INO80: variants seen among roughly 807,000 people sequenced by gnomAD.
INO80 encodes chromatin-remodeling ATPase INO80.
Under a neutral mutation model 203.4 loss-of-function variants are expected in INO80, and 20 were observed. The ratio of observed to expected loss-of-function variants is 0.10; its 90% CI spans 0.07 to 0.14. INO80 has a LOEUF of 0.14. Ranked by LOEUF, INO80 falls within the 10% of genes least tolerant of loss-of-function variation. The pLI is 1.00. For synonymous variants in INO80, 726 were observed against 685.2 expected (o/e 1.06, Z -0.93); for missense variants, 1,419 against 1,914.4 (o/e 0.74, Z 4.83).
At chr15:41,093,190 G>A (rs888555977) in intron 4 of INO80, among the ~76,000 whole-genome samples, 5 of 152,140 alleles carry the variant, frequency 3.3e-5, no homozygotes, top group Non-Finnish European at 4.4e-5. Context: ...ACTTCGGGAG[G>A]CTGAGGCGGG....
rs1270801774 is a variant in INO80 at position 41,006,626 on chromosome 15, T to A, written c.3403-939A>T. 5.3e-5 allele frequency among the ~76,000 whole-genome samples: 8 copies of A among 152,356 alleles called. No individual in the cohort carries two copies. In the South Asian group the frequency reaches 1.4e-3, roughly 28 times the overall value. ...TGGTGGGGCATTTTAGCACATCAGG[T>A]TGCTGTAGTTTGGAATATCTGGTGC... On this transcript the variant is annotated intron_variant, in intron 27 of 35. Transcript: ENST00000648947.
chr15:41,031,968 C>CACAGCACAGCACAGG (rs1566919537), intron 24 of INO80, among the ~76,000 whole-genome samples: 93 of 69,688 alleles, frequency 1.3e-3, no homozygotes, highest in Admixed American at 1.8e-3. Context: ...CACAGGACAG[C>CACAGCACAGCACAGG]ACAGCACAGC....
chr15:41,060,761 T>A (rs2045090159), intron 14 of INO80, among the ~76,000 whole-genome samples: 1 of 152,072 alleles, frequency 6.6e-6, no homozygotes, highest in African/African-American at 2.4e-5. Flanking sequence ...GAATTCCAGA[T>A]TAAAAAGGCT....
chr15:41,036,155 C>CG lies in INO80; in HGVS notation c.2908-8420dup, dbSNP rs141565312. Among the ~76,000 whole-genome samples the CG allele has an allele frequency of 9.4e-3, 125 of 13,258 alleles. 1 individual carries two copies. Among genetic ancestry groups the CG allele is most frequent in the South Asian group, 0.014 (3 of 210 alleles). The allele number at this position is 13,258 out of a possible 152,430, so 8.7% of individuals were successfully genotyped here. A position where few individuals can be genotyped will look rare whatever the true frequency, so the allele number is the denominator to read the frequency against. ...TGGGCAACAGAGTGCAACTCTCTCT[C>CG]GAAAAAAAAAAAAAAAAAAAAAAAA... On this transcript the variant is annotated intron_variant, in intron 24 of 35. Coordinates refer to ENST00000648947, the MANE Select transcript of INO80 (RefSeq NM_017553.3).
In INO80 at chr15:41,055,395, T is replaced by G. The variant is rs200013836; in HGVS notation, c.2071-31A>C. 273 of 1,420,064 alleles carry G rather than the reference T, an allele frequency of 1.9e-4. 1 individual carries two copies. The highest frequency in any genetic ancestry group is 1.1e-3 in the Admixed American group (65 of 58,354). 88.0% of individuals were successfully genotyped at this position (1,420,064 alleles called of 1,614,324 possible). A position where few individuals can be genotyped will look rare whatever the true frequency, so the allele number is the denominator to read the frequency against. On this transcript the variant is annotated intron_variant, in intron 17 of 35. Transcript: ENST00000648947. ...AACAAAGACAAAAATGAAATAGCTA[T>G]AGAGCAATAAAATGACAGCGTGTAA... is the stretch of plus-strand genomic sequence containing the variant.
chr15:40,986,266 C>A (rs1490920698), intron 31 of INO80, among the ~76,000 whole-genome samples: 1 of 151,858 alleles, frequency 6.6e-6, no homozygotes, highest in Admixed American at 6.6e-5. Context: ...TTATTTGAAG[C>A]CACATTTACC....
intron 9 of INO80, 90 bp downstream of exon 9, chr15:41,079,611 T>C: frequency 8.7e-7 from 1 of 1,148,650 alleles, no homozygotes; most frequent in Non-Finnish European, 1.3e-6. Flanking sequence ...ACAGTGTCAT[T>C]GGTTAGATGT....
chr15:41,107,274 GCCAGGAGTTCAAGA>G lies in INO80; in HGVS notation c.-44+8685_-44+8698del, dbSNP rs534714675. Among the ~76,000 whole-genome samples, 407 of 152,276 alleles carry G rather than the reference GCCAGGAGTTCAAGA, an allele frequency of 2.7e-3. 3 individuals carry two copies. The highest frequency in any genetic ancestry group is 0.013 in the South Asian group (61 of 4,830). Reference sequence around the variant, plus strand: ...AGGCCAAGGCAGGCGATCATTTGAGGCCAGGAGTTCAAGACCAGGAGTTCGAGACCAGCCTGGTC... The same window carrying G: ...AGGCCAAGGCAGGCGATCATTTGAGGCCAGGAGTTCGAGACCAGCCTGGTC... On this transcript the variant is annotated intron_variant, in intron 1 of 35. Transcript: ENST00000648947.
chr15:41,046,485 C>T (rs2044769436), intron 23 of INO80, among the ~76,000 whole-genome samples: 2 of 151,620 alleles, frequency 1.3e-5, no homozygotes, highest in Non-Finnish European at 2.9e-5. Context: ...CCTCGGCCTC[C>T]CAAAGTGCTG....
At chr15:41,044,860 A>G (rs761445049) in intron 24 of INO80, 44 bp downstream of exon 24, 1 of 1,531,002 alleles carries the variant, frequency 6.5e-7, no homozygotes, top group Admixed American at 2.3e-5. Context: ...AGGAAAAGGA[A>G]AGAAGATACT....
chr15:41,025,974 GA>G (rs1456052128), intron 25 of INO80, among the ~76,000 whole-genome samples: 2 of 152,136 alleles, frequency 1.3e-5, no homozygotes, highest in East Asian at 3.8e-4. Context: ...CTGAGACCAA[GA>G]ATACTTTGGA....
intron 29 of INO80, 32 bp downstream of exon 29, chr15:40,997,497 C>A (rs571339147): frequency 1.4e-6 from 2 of 1,403,894 alleles, no homozygotes; most frequent in South Asian, 2.3e-5. Context: ...AGAAAACCTG[C>A]ATATCTAGTT....
intron 1 of INO80, among the ~76,000 whole-genome samples, chr15:41,104,769 A>C (rs976816404): frequency 1.3e-5 from 2 of 151,988 alleles, no homozygotes; most frequent in South Asian, 2.1e-4. Context: ...CAAACTCCTG[A>C]CCTCAAATGA....
chr15:41,058,828 A>G (rs1470327948), intron 15 of INO80, 47 bp from the exon 16 acceptor site: 4 of 1,572,984 alleles, frequency 2.5e-6, no homozygotes, highest in Non-Finnish European at 3.5e-6. Flanking sequence ...CTAATAATTC[A>G]TAATAAGGAA....
chr15:40,999,372 G>C (rs554515760), intron 28 of INO80: 1 of 152,276 alleles, frequency 6.6e-6, no homozygotes, highest in Non-Finnish European at 1.5e-5. Context: ...AACTGATGAC[G>C]TATCAATGTC....
Position 41,046,206 on chromosome 15 carries a change from CATATATATATATATATAT to C in INO80, c.2736-1149_2736-1132del, listed in dbSNP as rs1160486459. Among the ~76,000 whole-genome samples the C allele has an allele frequency of 5.8e-3, 83 of 14,426 alleles. 4 individuals carry two copies. Among genetic ancestry groups the C allele is most frequent in the African/African-American group, 0.018 (78 of 4,410 alleles). The allele number at this position is 14,426 out of a possible 152,430, so 9.5% of individuals were successfully genotyped here. On this transcript the variant is annotated intron_variant, in intron 23 of 35. Transcript: ENST00000648947. ...GTGTGTCTCTGTGTGCGTATACATA[CATATATATATATATATAT>C]ATATATATATATATATATATATATA...
In INO80 at chr15:41,059,240, G is replaced by T. The variant is rs112003499; in HGVS notation, c.1843-459C>A. Among the ~76,000 whole-genome samples the T allele has an allele frequency of 1.4e-3, 205 of 151,488 alleles. 1 individual carries two copies. The highest frequency in any genetic ancestry group is 4.8e-3 in the African/African-American group (198 of 41,342). The stretch of plus-strand genomic sequence containing the variant: ...GCCTCCCAAAATGCTGGGATTATAG[G>T]CATGAGCCACCATGCCCGGCCACTA... On this transcript the variant is annotated intron_variant, in intron 15 of 35. Transcript: ENST00000648947.
At chr15:41,104,300 T>C (rs988018306) in intron 1 of INO80, among the ~76,000 whole-genome samples, 4 of 151,944 alleles carry the variant, frequency 2.6e-5, no homozygotes, top group African/African-American at 9.7e-5. Context: ...AAAGAACTAT[T>C]CAATATGTTT....
intron 9 of INO80, among the ~76,000 whole-genome samples, chr15:41,075,344 T>A (rs1443494446): frequency 6.6e-6 from 1 of 151,574 alleles, no homozygotes; most frequent in African/African-American, 2.4e-5. Context: ...AATCTGAGCC[T>A]CACCGTAACC....
Sources: gnomAD v4.1 joint callset for allele counts (sites outside exome capture counted in the v4.1 genomes callset) on GRCh38, gnomAD v4.1.1 for gene constraint, MANE v1.5 for transcripts, NCBI Gene and HGNC (gene_info 2026-07-23, HGNC 2026-07-21) for gene names.